NKAIN3: variants seen among roughly 807,000 people sequenced by gnomAD.
NKAIN3 encodes the protein sodium/potassium-transporting ATPase subunit beta-1-interacting protein 3.
A neutral mutation model predicts 30.2 loss-of-function variants in NKAIN3; 25 were observed. The ratio of observed to expected loss-of-function variants is 0.83; its 90% CI spans 0.60 to 1.16. NKAIN3 has a LOEUF of 1.16. Ranked by LOEUF, NKAIN3 falls within the 50% of genes most tolerant of loss-of-function variation. The pLI is 0.00. For synonymous variants in NKAIN3, 91 were observed against 89.6 expected, an observed-to-expected ratio of 1.02 and a Z score of -0.09; for missense variants, 225 against 254.1, an observed-to-expected ratio of 0.89 and a Z score of 0.78.
intron 3 of NKAIN3, among the ~76,000 whole-genome samples, chr8:62,671,995 G>A (rs1272179103): frequency 1.3e-5 from 2 of 152,170 alleles, no homozygotes; most frequent in Non-Finnish European, 2.9e-5. Context: ...TTGCTGGGAT[G>A]TGCTGATTGA....
chr8:62,362,371 C>T (rs1816593474), intron 1 of NKAIN3, among the ~76,000 whole-genome samples: 1 of 152,158 alleles, frequency 6.6e-6, no homozygotes, highest in African/African-American at 2.4e-5. Flanking sequence ...TTCCAACCTT[C>T]TATGCCAATC....
intron 4 of NKAIN3, among the ~76,000 whole-genome samples, chr8:62,795,233 T>C (rs1014691734): frequency 3.3e-5 from 5 of 152,210 alleles, no homozygotes; most frequent in Admixed American, 6.5e-5. Context: ...ATTATTTTCT[T>C]CTCTTACAAA....
chr8:62,899,596 G>A (rs1206974327), intron 4 of NKAIN3, among the ~76,000 whole-genome samples: 1 of 152,126 alleles, frequency 6.6e-6, no homozygotes, highest in African/African-American at 2.4e-5. Context: ...AAGGGTAGCG[G>A]GAGGGGTTAG....
At chr8:62,642,360 A>G (rs1217184073) in intron 3 of NKAIN3, among the ~76,000 whole-genome samples, 1 of 152,210 alleles carries the variant, frequency 6.6e-6, no homozygotes, top group African/African-American at 2.4e-5. Flanking sequence ...ACAAAGACAT[A>G]ATATCATTTT....
At chr8:62,773,384 C>T (rs1817085519) in intron 4 of NKAIN3, among the ~76,000 whole-genome samples, 1 of 152,082 alleles carries the variant, frequency 6.6e-6, no homozygotes, top group Non-Finnish European at 1.5e-5. Context: ...TAGATTTAAT[C>T]CTGGGTTCTC....
At chr8:62,875,968 T>C (rs938273827) in intron 4 of NKAIN3, among the ~76,000 whole-genome samples, 1 of 151,984 alleles carries the variant, frequency 6.6e-6, no homozygotes, top group Non-Finnish European at 1.5e-5. Context: ...AAAGCCAAAA[T>C]TGACAAATGA....
intron 6 of NKAIN3, among the ~76,000 whole-genome samples, chr8:62,957,203 G>C (rs4739030): frequency 0.12 from 17,486 of 151,750 alleles, 1,180 homozygotes; most frequent in East Asian, 0.25. Context: ...GCACTATCTC[G>C]GCTCACTGCA....
chr8:62,436,287 T>C (rs1805171913), intron 1 of NKAIN3, among the ~76,000 whole-genome samples: 1 of 152,226 alleles, frequency 6.6e-6, no homozygotes, highest in Non-Finnish European at 1.5e-5. Flanking sequence ...CAAATGTTAC[T>C]GACTGTTTTC....
intron 1 of NKAIN3, among the ~76,000 whole-genome samples, chr8:62,325,740 CTTGT>C (rs529011651): frequency 2.5e-3 from 376 of 151,940 alleles, no homozygotes; most frequent in African/African-American, 8.2e-3. Context: ...TTTGCATTTT[CTTGT>C]TTGTTTGAAA....
intron 3 of NKAIN3, among the ~76,000 whole-genome samples, chr8:62,731,691 CA>C (rs1027898387): frequency 9.9e-5 from 15 of 152,228 alleles, no homozygotes; most frequent in African/African-American, 3.6e-4. Context: ...CCCGAAACCG[CA>C]AAAGCCAGTG....
chr8:62,592,022 A>G (rs1312759818), intron 3 of NKAIN3, among the ~76,000 whole-genome samples: 1 of 152,008 alleles, frequency 6.6e-6, no homozygotes, highest in Non-Finnish European at 1.5e-5. Context: ...ATTTGGATAG[A>G]TTAATAGAAA....
chr8:62,285,136 C>T (rs916489709), intron 1 of NKAIN3, among the ~76,000 whole-genome samples: 2 of 152,080 alleles, frequency 1.3e-5, no homozygotes, highest in East Asian at 3.9e-4. Context: ...TGGTGTATCC[C>T]ACGCTTCGCA....
chr8:62,456,528 A>T (rs7000046), intron 1 of NKAIN3, among the ~76,000 whole-genome samples: 4,030 of 152,126 alleles, frequency 0.026, 67 homozygotes, highest in Middle Eastern at 0.051. Context: ...TAAAAAAAAA[A>T]AAAAATAAAA....
chr8:62,478,616 T>C, intron 1 of NKAIN3, among the ~76,000 whole-genome samples: 1 of 152,212 alleles, frequency 6.6e-6, no homozygotes, highest in East Asian at 1.9e-4. Context: ...TTATTAATAA[T>C]CTTTATTATC....
intron 3 of NKAIN3, among the ~76,000 whole-genome samples, chr8:62,665,892 A>T (rs1813083246): frequency 6.6e-6 from 1 of 152,088 alleles, no homozygotes; most frequent in Non-Finnish European, 1.5e-5. Flanking sequence ...AAACCACATG[A>T]TTTTCTACGG....
intron 4 of NKAIN3, among the ~76,000 whole-genome samples, chr8:62,879,748 G>C (rs930508844): frequency 1.6e-4 from 24 of 152,282 alleles, no homozygotes; most frequent in African/African-American, 5.5e-4. Context: ...TTTCATGGGA[G>C]TACATGTTGG....
intron 1 of NKAIN3, among the ~76,000 whole-genome samples, chr8:62,394,896 G>C (rs1646835725): frequency 6.9e-6 from 1 of 143,902 alleles, no homozygotes; most frequent in African/African-American, 2.6e-5. Context: ...TCACTTCCCC[G>C]ACGGGGCGGC....
intron 1 of NKAIN3, among the ~76,000 whole-genome samples, chr8:62,418,626 A>G (rs969352026): frequency 1.3e-5 from 2 of 152,094 alleles, no homozygotes; most frequent in African/African-American, 2.4e-5. Flanking sequence ...AATGATGCAA[A>G]TCTTCATTTC....
chr8:62,520,187 A>G (rs1808112741), intron 1 of NKAIN3, among the ~76,000 whole-genome samples: 1 of 152,108 alleles, frequency 6.6e-6, no homozygotes, highest in Non-Finnish European at 1.5e-5. Flanking sequence ...GCTGCTTCTC[A>G]GCATGACCCT....
Sources: allele counts gnomAD v4.1 joint callset (sites outside exome capture counted in the v4.1 genomes callset), GRCh38; gene constraint gnomAD v4.1.1; transcripts MANE v1.5; gene names NCBI Gene and HGNC (gene_info 2026-07-23, HGNC 2026-07-21).